The following GRXCR2 variants were observed in gnomAD, a reference collection of about 807,000 sequenced individuals.
The protein encoded by GRXCR2 is glutaredoxin and cysteine rich domain containing 2, also known as glutaredoxin domain-containing cysteine-rich protein 2.
GRXCR2 carries 23 observed loss-of-function variants against 24.8 expected under a neutral mutation model. The observed-to-expected ratio is 0.93, with a 90% CI of 0.67 to 1.32. The LOEUF (loss-of-function observed/expected upper bound fraction) is 1.32, where lower values mean the gene tolerates loss of function less well. Ranked by LOEUF, GRXCR2 falls within the 40% of genes most tolerant of loss-of-function variation. The pLI, the probability that GRXCR2 is intolerant of heterozygous loss-of-function variation, is 0.00. For synonymous variants in GRXCR2, 130 were observed against 116.1 expected (o/e 1.12, Z -0.77); for missense variants, 315 against 303.4 (o/e 1.04, Z -0.28).
Position 145,885,188 on chromosome 5 carries a change from C to T in GRXCR2, c.-69-18460G>A, listed in dbSNP as rs111709853. 2.8e-3 allele frequency among the ~76,000 whole-genome samples: 431 copies of T among 151,600 alleles called. 1 individual carries two copies. Among genetic ancestry groups the T allele is most frequent in the African/African-American group, 9.8e-3 (403 of 41,274 alleles). On this transcript the variant is annotated intron_variant, in intron 2 of 3. Coordinates refer to the GRXCR2 transcript ENST00000639411. Reference sequence around the variant, plus strand: ...GGCATTTTTCTTTGAAATACTGCTACGGCAGAAGGTTATTATAGTTATTGA... The same window carrying T: ...GGCATTTTTCTTTGAAATACTGCTATGGCAGAAGGTTATTATAGTTATTGA...
At chr5:145,886,479 C>A (rs1326504407) in intron 2 of GRXCR2, among the ~76,000 whole-genome samples, 1 of 152,118 alleles carries the variant, frequency 6.6e-6, no homozygotes, top group Non-Finnish European at 1.5e-5. Flanking sequence ...AAATCTGGGA[C>A]TTCATTAAAA....
At chr5:145,877,832 G>A (rs1305070301), upstream of GRXCR2, among the ~76,000 whole-genome samples, 3 of 152,336 alleles carry the variant, frequency 2.0e-5, no homozygotes, top group East Asian at 5.8e-4. Flanking sequence ...GAGGAAGGAT[G>A]AGGCAGCAAT....
intron 2 of GRXCR2, among the ~76,000 whole-genome samples, chr5:145,878,263 T>A (rs1756648106): frequency 6.6e-6 from 1 of 152,096 alleles, no homozygotes; most frequent in Non-Finnish European, 1.5e-5. Context: ...TAAAGGAACA[T>A]GCTCAAACCC....
At chr5:145,905,195 A>G (rs900442407) in intron 2 of GRXCR2, among the ~76,000 whole-genome samples, 6 of 152,224 alleles carry the variant, frequency 3.9e-5, no homozygotes, top group Non-Finnish European at 5.9e-5. Context: ...TAGAGTCAAT[A>G]TTGGATCTGA....
At chr5:145,928,200 G>A (rs562122450) in intron 2 of GRXCR2, among the ~76,000 whole-genome samples, 1 of 151,998 alleles carries the variant, frequency 6.6e-6, no homozygotes, top group East Asian at 1.9e-4. Context: ...AAACCACAAT[G>A]AGATACCATC....
chr5:145,902,837 C>T (rs1264142387), intron 2 of GRXCR2, among the ~76,000 whole-genome samples: 1 of 152,116 alleles, frequency 6.6e-6, no homozygotes, highest in African/African-American at 2.4e-5. Context: ...AAGGCATATG[C>T]TAAAATTATG....
intron 2 of GRXCR2, among the ~76,000 whole-genome samples, chr5:145,929,822 C>G (rs1312548343): frequency 6.6e-6 from 1 of 151,982 alleles, no homozygotes; most frequent in East Asian, 1.9e-4. Context: ...AATCTCTCAC[C>G]AGATGTAGAG....
intron 2 of GRXCR2, among the ~76,000 whole-genome samples, chr5:145,881,214 C>G (rs182370150): frequency 6.6e-6 from 1 of 152,132 alleles, no homozygotes; most frequent in Non-Finnish European, 1.5e-5. Flanking sequence ...AAAGGGTATT[C>G]AATTAGGAAA....
intron 2 of GRXCR2, among the ~76,000 whole-genome samples, chr5:145,910,930 C>G (rs924333730): frequency 1.1e-4 from 17 of 151,964 alleles, no homozygotes; most frequent in Non-Finnish European, 1.5e-4. Flanking sequence ...GACGCCAAGG[C>G]CCTGAAAAGT....
intron 2 of GRXCR2, among the ~76,000 whole-genome samples, chr5:145,928,160 C>G (rs1581359272): frequency 6.6e-6 from 1 of 151,832 alleles, no homozygotes; most frequent in African/African-American, 2.4e-5. Flanking sequence ...AAATGCTCAT[C>G]ATCACTGGCC....
intron 2 of GRXCR2, among the ~76,000 whole-genome samples, chr5:145,915,863 AT>A (rs1254756999): frequency 6.6e-6 from 1 of 152,206 alleles, no homozygotes; most frequent in African/African-American, 2.4e-5. Flanking sequence ...GAGTCAGCTC[AT>A]GGGTACCAAA....
At chr5:145,866,322 A>G (rs1331640875) in intron 2 of GRXCR2, among the ~76,000 whole-genome samples, 179 bp downstream of exon 2, 1 of 152,248 alleles carries the variant, frequency 6.6e-6, no homozygotes, top group East Asian at 1.9e-4. Flanking sequence ...TATAACTGCT[A>G]TTGCTAACAA....
intron 1 of GRXCR2, 73 bp downstream of exon 1, chr5:145,872,560 C>A: frequency 7.7e-7 from 1 of 1,293,314 alleles, no homozygotes; most frequent in Non-Finnish European, 1.1e-6. Context: ...AAATCTGAAC[C>A]ATTTAGGAGT....
At chr5:145,902,918 A>G (rs775075083) in intron 2 of GRXCR2, among the ~76,000 whole-genome samples, 6 of 152,218 alleles carry the variant, frequency 3.9e-5, no homozygotes, top group Non-Finnish European at 7.3e-5. Flanking sequence ...TCACAAAGGC[A>G]TAAGCGACTG....
chr5:145,924,659 G>A (rs946130893), intron 2 of GRXCR2, among the ~76,000 whole-genome samples: 1 of 152,174 alleles, frequency 6.6e-6, no homozygotes, highest in African/African-American at 2.4e-5. Flanking sequence ...TGTAAGTTCC[G>A]AGTTCCTCAA....
At chr5:145,885,723 T>A (rs73308161) in intron 2 of GRXCR2, among the ~76,000 whole-genome samples, 3,697 of 152,276 alleles carry the variant, frequency 0.024, 113 homozygotes, top group African/African-American at 0.074. Flanking sequence ...GCAGTGCACA[T>A]AAAACTTTTC....
upstream of GRXCR2, among the ~76,000 whole-genome samples, chr5:145,876,194 T>TATATATATATAC (rs1308116560): frequency 7.8e-6 from 1 of 127,696 alleles, no homozygotes; most frequent in Admixed American, 7.5e-5. Flanking sequence ...TGTGTGTGTA[T>TATATATATATAC]ATATATATAT....
At chr5:145,864,044 C>A (rs138953646) in intron 2 of GRXCR2, among the ~76,000 whole-genome samples, 118 of 152,304 alleles carry the variant, frequency 7.7e-4, no homozygotes, top group Middle Eastern at 3.4e-3. Flanking sequence ...AATAATCACA[C>A]AAACTAAAGT....
chr5:145,928,374 A>C (rs1303277320), intron 2 of GRXCR2, among the ~76,000 whole-genome samples: 1 of 152,122 alleles, frequency 6.6e-6, no homozygotes, highest in African/African-American at 2.4e-5. Flanking sequence ...AACTAGAAAT[A>C]CCATTTGACC....
Sources: gnomAD v4.1 joint callset for allele counts (sites outside exome capture counted in the v4.1 genomes callset) on GRCh38, gnomAD v4.1.1 for gene constraint, MANE v1.5 for transcripts, NCBI Gene and HGNC (gene_info 2026-07-23, HGNC 2026-07-21) for gene names.